CDH13: variants seen among roughly 807,000 people sequenced by gnomAD.
CDH13 encodes the protein cadherin-13.
CDH13 carries 24 observed loss-of-function variants against 63.8 expected under a neutral mutation model. The ratio of observed to expected loss-of-function variants is 0.38; its 90% CI spans 0.27 to 0.53. The LOEUF is 0.53. CDH13 is among the 20% of genes least tolerant of loss of function. The pLI, the probability that CDH13 is intolerant of heterozygous loss-of-function variation, is 0.85. For missense variants in CDH13, 1,049 were observed against 903.1 expected (o/e 1.16, Z -2.07); for synonymous variants, 503 against 355.3 (o/e 1.42, Z -4.67).
At chr16:82,815,332 C>G (rs547462382) in intron 1 of CDH13, among the ~76,000 whole-genome samples, 1 of 152,256 alleles carries the variant, frequency 6.6e-6, no homozygotes, top group Admixed American at 6.5e-5. Flanking sequence ...GCCTCTCACT[C>G]TCTGCCTCAG....
At chr16:82,864,609 G>T (rs771161207) in intron 2 of CDH13, among the ~76,000 whole-genome samples, 5 of 152,056 alleles carry the variant, frequency 3.3e-5, no homozygotes, top group African/African-American at 4.8e-5. Flanking sequence ...CCGTAATTCA[G>T]TTACCTCCAG....
At chr16:83,686,982 G>A (rs1424120407) in intron 10 of CDH13, among the ~76,000 whole-genome samples, 1 of 152,138 alleles carries the variant, frequency 6.6e-6, no homozygotes, top group Non-Finnish European at 1.5e-5. Context: ...GGCCAAGGTG[G>A]GCAGATCATT....
At chr16:83,616,869 G>A (rs929549825) in intron 8 of CDH13, among the ~76,000 whole-genome samples, 9 of 152,114 alleles carry the variant, frequency 5.9e-5, no homozygotes, top group African/African-American at 1.7e-4. Flanking sequence ...TAGGCCACAC[G>A]GGAGCTCTGT....
chr16:82,720,839 C>T (rs1349266835), intron 1 of CDH13, among the ~76,000 whole-genome samples: 1 of 152,150 alleles, frequency 6.6e-6, no homozygotes, highest in Non-Finnish European at 1.5e-5. Context: ...GAGCAAAAGG[C>T]CCTCGCCTGG....
intron 2 of CDH13, among the ~76,000 whole-genome samples, chr16:82,902,541 A>C (rs1036134040): frequency 4.0e-5 from 6 of 151,800 alleles, no homozygotes; most frequent in Non-Finnish European, 8.8e-5. Flanking sequence ...TTTCCTCGGG[A>C]TTTATTTACT....
At chr16:83,565,926 T>A (rs1048676995) in intron 7 of CDH13, among the ~76,000 whole-genome samples, 2 of 152,226 alleles carry the variant, frequency 1.3e-5, no homozygotes, top group African/African-American at 4.8e-5. Context: ...ATGTGTAACT[T>A]GTCTGATCTT....
At chr16:83,314,904 G>T (rs1326965116) in intron 5 of CDH13, among the ~76,000 whole-genome samples, 1 of 152,122 alleles carries the variant, frequency 6.6e-6, no homozygotes, top group Non-Finnish European at 1.5e-5. Context: ...TGGGTTCTTG[G>T]GCCTTTGCCT....
chr16:83,024,797 C>G (rs1002396109), intron 2 of CDH13, among the ~76,000 whole-genome samples: 1 of 152,190 alleles, frequency 6.6e-6, no homozygotes, highest in Non-Finnish European at 1.5e-5. Context: ...TTTGTTGATT[C>G]TATTTTGAGC....
intron 1 of CDH13, among the ~76,000 whole-genome samples, chr16:82,845,993 G>C (rs2039240327): frequency 6.6e-6 from 1 of 152,224 alleles, no homozygotes; most frequent in Non-Finnish European, 1.5e-5. Context: ...ATTTCACTGA[G>C]TGAATTGTTC....
At chr16:83,474,083 T>G (rs2073536028) in intron 6 of CDH13, among the ~76,000 whole-genome samples, 1 of 152,200 alleles carries the variant, frequency 6.6e-6, no homozygotes, top group Admixed American at 6.5e-5. Context: ...GGAGTGGTTA[T>G]TTGACTTCCC....
chr16:83,648,022 C>T (rs935061781), intron 8 of CDH13, among the ~76,000 whole-genome samples: 1 of 152,178 alleles, frequency 6.6e-6, no homozygotes. Flanking sequence ...AAACTGGAGT[C>T]TAGTGACCAC....
chr16:82,820,003 G>A (rs559747226), intron 1 of CDH13, among the ~76,000 whole-genome samples: 9 of 152,254 alleles, frequency 5.9e-5, no homozygotes, highest in African/African-American at 2.2e-4. Context: ...GACAGCGGCA[G>A]CAGTAGAGGA....
At chr16:83,511,980 TC>T (rs2074576933) in intron 7 of CDH13, among the ~76,000 whole-genome samples, 1 of 152,112 alleles carries the variant, frequency 6.6e-6, no homozygotes, top group South Asian at 2.1e-4. Context: ...ACATGGTTAG[TC>T]CTCAGTAAGT....
chr16:83,620,912 C>T (rs1909752048), intron 8 of CDH13, among the ~76,000 whole-genome samples: 1 of 152,180 alleles, frequency 6.6e-6, no homozygotes, highest in Admixed American at 6.5e-5. Context: ...GTCTGTCCAA[C>T]ATGCCCCAGA....
chr16:83,746,421 A>C (rs907889223), intron 10 of CDH13, among the ~76,000 whole-genome samples: 1 of 152,202 alleles, frequency 6.6e-6, no homozygotes, highest in Admixed American at 6.5e-5. Flanking sequence ...AACAACCCCA[A>C]GATAACTCAA....
chr16:83,235,326 C>A (rs572852173), intron 5 of CDH13, among the ~76,000 whole-genome samples: 44 of 152,102 alleles, frequency 2.9e-4, no homozygotes, highest in African/African-American at 1.1e-3. Flanking sequence ...AGTGTCACTG[C>A]GGAGAAGCCC....
At chr16:82,853,478 A>G (rs1014352141) in intron 1 of CDH13, among the ~76,000 whole-genome samples, 6 of 152,192 alleles carry the variant, frequency 3.9e-5, no homozygotes, top group Non-Finnish European at 7.3e-5. Flanking sequence ...TCTTTACAAT[A>G]ATTAACTCAC....
intron 6 of CDH13, among the ~76,000 whole-genome samples, chr16:83,395,034 G>C (rs2091859583): frequency 6.6e-6 from 1 of 151,956 alleles, no homozygotes; most frequent in African/African-American, 2.4e-5. Context: ...TGTAATCCCA[G>C]GTACTTGGGA....
At chr16:83,374,829 A>T (rs1003043833) in intron 6 of CDH13, among the ~76,000 whole-genome samples, 4 of 152,308 alleles carry the variant, frequency 2.6e-5, no homozygotes, top group Middle Eastern at 3.4e-3. Context: ...TGGTATGAAT[A>T]TACTGCTTCC....
Sources: gnomAD v4.1 joint callset for allele counts (sites outside exome capture counted in the v4.1 genomes callset) on GRCh38, gnomAD v4.1.1 for gene constraint, MANE v1.5 for transcripts, NCBI Gene and HGNC (gene_info 2026-07-23, HGNC 2026-07-21) for gene names.